The following TENM1 variants were observed in gnomAD, a reference collection of about 807,000 sequenced individuals.
TENM1 encodes teneurin-1.
Under a neutral mutation model 174.8 loss-of-function variants are expected in TENM1, and 35 were observed. The observed-to-expected ratio is 0.20, with a 90% CI of 0.15 to 0.27. The LOEUF is 0.27. Ranked by LOEUF, TENM1 falls within the 10% of genes least tolerant of loss-of-function variation. The pLI is 1.00. For synonymous variants in TENM1, 781 were observed against 798.7 expected, an observed-to-expected ratio of 0.98 and a Z score of 0.37; for missense variants, 1,633 against 2,130.1, an observed-to-expected ratio of 0.77 and a Z score of 4.59.
At chrX:124,831,794 A>T (rs932177068) in intron 3 of TENM1, among the ~76,000 whole-genome samples, 2 of 111,895 alleles carry the variant, frequency 1.8e-5, no homozygotes, top group African/African-American at 6.5e-5. Flanking sequence ...GTGGACAAAA[A>T]AAAAAGAAAA....
the TENM1 span, among the ~76,000 whole-genome samples, chrX:125,046,588 TA>T: frequency 1.8e-5 from 2 of 112,149 alleles, no homozygotes; most frequent in Non-Finnish European, 1.9e-5. Flanking sequence ...GAAGAAAACC[TA>T]ACTGCAACCA....
chrX:124,437,233 T>C (rs1357250278), intron 23 of TENM1, among the ~76,000 whole-genome samples: 1 of 106,042 alleles, frequency 9.4e-6, no homozygotes, highest in Non-Finnish European at 1.9e-5. Flanking sequence ...ATTACAGGCA[T>C]GAGCCACTGC....
the TENM1 span, among the ~76,000 whole-genome samples, chrX:125,129,012 A>C: frequency 9.0e-6 from 1 of 111,224 alleles, no homozygotes; most frequent in East Asian, 2.8e-4. Context: ...ATGATCCAAC[A>C]GGATTAGTGA....
At chrX:124,587,405 C>A (rs1243349281) in intron 11 of TENM1, among the ~76,000 whole-genome samples, 2 of 107,986 alleles carry the variant, frequency 1.9e-5, no homozygotes, top group Non-Finnish European at 3.8e-5. Flanking sequence ...ACTATCTGAT[C>A]TTTGACAAAC....
intron 18 of TENM1, among the ~76,000 whole-genome samples, chrX:124,514,329 C>T (rs2047649418): frequency 9.1e-6 from 1 of 110,119 alleles, no homozygotes. Context: ...AAACAACCCC[C>T]ATCGAAACCC....
chrX:125,165,102 A>G, the TENM1 span, among the ~76,000 whole-genome samples: 2 of 112,093 alleles, frequency 1.8e-5, no homozygotes, highest in Non-Finnish European at 3.8e-5. Context: ...TCTCCTTCAC[A>G]TTATCTAGAC....
chrX:124,892,471 G>C (rs1437053791), intron 3 of TENM1, among the ~76,000 whole-genome samples: 1 of 111,904 alleles, frequency 8.9e-6, no homozygotes, highest in Non-Finnish European at 1.9e-5. Context: ...ATTCTGAAAG[G>C]CTTGGCCAAT....
chrX:124,425,995 GGT>G (rs200141105), intron 23 of TENM1, among the ~76,000 whole-genome samples: 3,128 of 87,914 alleles, frequency 0.036, 40 homozygotes, highest in Middle Eastern at 0.041. Flanking sequence ...CAAAAGGACT[GGT>G]GTGTGTGTGT....
chrX:125,126,099 T>C, the TENM1 span, among the ~76,000 whole-genome samples: 1 of 112,195 alleles, frequency 8.9e-6, no homozygotes, highest in Non-Finnish European at 1.9e-5. Flanking sequence ...GCAAACTAAT[T>C]TATGTGTAAT....
intron 21 of TENM1, among the ~76,000 whole-genome samples, chrX:124,485,961 A>G (rs1279793771): frequency 1.8e-5 from 2 of 112,074 alleles, no homozygotes; most frequent in South Asian, 3.7e-4. Flanking sequence ...AGAAAATAGA[A>G]TAGCCCAACA....
the TENM1 span, among the ~76,000 whole-genome samples, chrX:125,133,220 T>C: frequency 9.0e-6 from 1 of 111,284 alleles, no homozygotes; most frequent in African/African-American, 3.3e-5. Context: ...GGCCTCAATC[T>C]CCTGACCTCG....
At chrX:124,522,563 T>A (rs762813353) in intron 17 of TENM1, among the ~76,000 whole-genome samples, 8 of 106,000 alleles carry the variant, frequency 7.5e-5, no homozygotes, top group South Asian at 4.0e-4. Context: ...AAAGCTTTTT[T>A]AAAAAAAAAA....
chrX:124,506,063 A>G lies in TENM1; in HGVS notation c.3302-2360T>C, dbSNP rs761870765. Among the ~76,000 whole-genome samples the G allele has an allele frequency of 6.3e-5, 7 of 111,919 alleles. 1 individual carries two copies. The Admixed American group carries it at 6.6e-4, about 11-fold the overall frequency. On this transcript the variant is annotated intron_variant, in intron 18 of 31. Coordinates refer to ENST00000422452, the Ensembl canonical transcript of TENM1. ...CCAACATTTAAAAGTCTTGATTAAT[A>G]AATAATCACAACGACAATAATTACA...
At chrX:124,793,826 C>T (rs1224893026) in intron 3 of TENM1, among the ~76,000 whole-genome samples, 2 of 110,654 alleles carry the variant, frequency 1.8e-5, no homozygotes, top group East Asian at 5.7e-4. Context: ...AGAAAAATAT[C>T]TAGTAGCAGA....
At chrX:124,869,706 T>C (rs369055080) in intron 3 of TENM1, among the ~76,000 whole-genome samples, 2 of 110,559 alleles carry the variant, frequency 1.8e-5, no homozygotes, top group African/African-American at 6.6e-5. Context: ...TTATGTTAAG[T>C]GAAATAAGCC....
At chrX:124,600,241 G>C (rs1602756310) in intron 11 of TENM1, among the ~76,000 whole-genome samples, 1 of 110,495 alleles carries the variant, frequency 9.1e-6, no homozygotes, top group Non-Finnish European at 1.9e-5. Context: ...TGCAAGGTGA[G>C]ACTGGAATAT....
intron 27 of TENM1, among the ~76,000 whole-genome samples, chrX:124,396,814 C>CT (rs778681557): frequency 1.8e-5 from 2 of 111,487 alleles, no homozygotes; most frequent in South Asian, 7.7e-4. Flanking sequence ...TCAATCTACA[C>CT]TAATCCTTTC....
chrX:124,627,918 C>G (rs1416730549), intron 11 of TENM1, among the ~76,000 whole-genome samples: 2 of 111,606 alleles, frequency 1.8e-5, no homozygotes, highest in Non-Finnish European at 3.8e-5. Context: ...ATATAAGAAA[C>G]AGGTTATCGT....
chrX:125,110,231 C>T, the TENM1 span, among the ~76,000 whole-genome samples: 1 of 111,096 alleles, frequency 9.0e-6, no homozygotes, highest in Non-Finnish European at 1.9e-5. Flanking sequence ...ACTTGCCAAA[C>T]GTAAAAAGGT....
Sources: allele counts gnomAD v4.1 joint callset (sites outside exome capture counted in the v4.1 genomes callset), GRCh38; gene constraint gnomAD v4.1.1; transcripts MANE v1.5; gene names NCBI Gene and HGNC (gene_info 2026-07-23, HGNC 2026-07-21).